The following ABCB1 variants were observed in gnomAD, a reference collection of about 807,000 sequenced individuals.
ABCB1 encodes the protein ATP binding cassette subfamily B member 1, also known as ATP-dependent translocase ABCB1.
In ABCB1, 69 loss-of-function variants were observed where a neutral mutation model predicts 142.0. The observed-to-expected ratio is 0.49, with a 90% CI of 0.40 to 0.59. ABCB1 has a LOEUF of 0.59. Ranked by LOEUF, ABCB1 falls within the 20% of genes least tolerant of loss-of-function variation. The pLI is 0.00. For synonymous variants in ABCB1, 532 were observed against 539.2 expected (o/e 0.99, Z 0.18); for missense variants, 1,326 against 1,554.7 (o/e 0.85, Z 2.47).
Position 87,585,502 on chromosome 7 carries a change from C to T in ABCB1, c.286+10G>A, listed in dbSNP as rs567024914. 2.5e-6 allele frequency: 4 copies of T among 1,613,050 alleles called. No homozygotes were observed. Among genetic ancestry groups the T allele is most frequent in the Admixed American group, 1.7e-5 (1 of 59,954 alleles). ...GTTTCCAATAAAATTGGTACACAAA[C>T]AATACTTACTTCTATTAGTGATGTT... On this transcript the variant is annotated intron_variant, in intron 4 of 27. Transcript: ENST00000622132.
chr7:87,704,600 T>A (rs1829426686), intron 1 of ABCB1, among the ~76,000 whole-genome samples: 1 of 152,210 alleles, frequency 6.6e-6, no homozygotes, highest in African/African-American at 2.4e-5. Flanking sequence ...AGCAATATGT[T>A]ATCTAGCAGA....
intron 23 of ABCB1, among the ~76,000 whole-genome samples, chr7:87,517,521 A>G (rs1815306074): frequency 6.9e-6 from 1 of 143,952 alleles, no homozygotes; most frequent in Non-Finnish European, 1.5e-5. Context: ...GAGATCCACT[A>G]TGCCTAATCC....
At chr7:87,566,733 T>C in intron 6 of ABCB1, 52 bp downstream of exon 6, 1 of 1,557,668 alleles carries the variant, frequency 6.4e-7, no homozygotes. Flanking sequence ...TCTATTTCAT[T>C]TTACTAAGGA....
chr7:87,628,584 CGTGTGTGTGTGTGTGT>C (rs71117546), intron 1 of ABCB1: 91 of 290,720 alleles, frequency 3.1e-4, no homozygotes, highest in Middle Eastern at 1.9e-3. Flanking sequence ...TGCGTGCGTG[CGTGTGTGTGTGTGTGT>C]GTGTGTGTGT....
intron 8 of ABCB1, among the ~76,000 whole-genome samples, chr7:87,554,456 G>T (rs537893521): frequency 6.6e-5 from 10 of 152,134 alleles, no homozygotes; most frequent in Admixed American, 2.6e-4. Context: ...GAGGTTACAT[G>T]TGTGAGAGCA....
At chr7:87,583,661 A>G (rs771446401) in intron 4 of ABCB1, among the ~76,000 whole-genome samples, 2 of 152,206 alleles carry the variant, frequency 1.3e-5, no homozygotes, top group Non-Finnish European at 2.9e-5. Context: ...TAGTCTTCAC[A>G]ACTAGATCAT....
At chr7:87,638,934 C>G (rs1356242473) in intron 1 of ABCB1, among the ~76,000 whole-genome samples, 3 of 151,924 alleles carry the variant, frequency 2.0e-5, no homozygotes, top group African/African-American at 7.2e-5. Context: ...GGGTGGATCA[C>G]GAGGTCAGGA....
chr7:87,522,475 T>C (rs1815559954), intron 21 of ABCB1: 5 of 534,664 alleles, frequency 9.4e-6, no homozygotes, highest in Middle Eastern at 1.1e-3. Context: ...ACAGGGAAGC[T>C]ACAGTTTACA....
In ABCB1 at chr7:87,586,963, T is replaced by C. The variant is rs572641702; in HGVS notation, c.118-1283A>G. Among the ~76,000 whole-genome samples, 10 of 152,336 alleles carry C rather than the reference T, an allele frequency of 6.6e-5. 1 individual carries two copies. In the South Asian group the frequency reaches 2.1e-3, roughly 32 times the overall value. ...CTTTTTCTAGCTCTTAAATGTGTTA[T>C]CAAATGAGCTTAAGTTTGGGTTCAT... is the stretch of plus-strand genomic sequence containing the variant. On this transcript the variant is annotated intron_variant, in intron 3 of 27. Transcript: ENST00000622132.
intron 7 of ABCB1, among the ~76,000 whole-genome samples, chr7:87,562,461 C>A (rs1817599718): frequency 6.6e-6 from 1 of 152,128 alleles, no homozygotes; most frequent in South Asian, 2.1e-4. Context: ...GAGGCTCATA[C>A]AACATGCTTT....
intron 4 of ABCB1, among the ~76,000 whole-genome samples, chr7:87,574,574 T>A (rs1315201629): frequency 6.6e-6 from 1 of 152,206 alleles, no homozygotes; most frequent in Admixed American, 6.5e-5. Flanking sequence ...TGTGTAGCCC[T>A]GGCTGTAAGC....
chr7:87,664,969 A>G (rs1825081153), intron 1 of ABCB1, among the ~76,000 whole-genome samples: 1 of 152,176 alleles, frequency 6.6e-6, no homozygotes. Flanking sequence ...AATAAAGGTC[A>G]TATATAACAA....
At chr7:87,560,368 G>A (rs1273455941) in intron 8 of ABCB1, among the ~76,000 whole-genome samples, 1 of 152,102 alleles carries the variant, frequency 6.6e-6, no homozygotes, top group African/African-American at 2.4e-5. Flanking sequence ...AAACACATAT[G>A]CACAGTTAAA....
At position 87,627,649 on chromosome 7, in the gene ABCB1, C is replaced by G. The variant is rs762256444; in HGVS notation, c.-330-26571G>C. On this transcript the variant is annotated intron_variant, in intron 1 of 28. Coordinates refer to the ABCB1 transcript ENST00000265724. ...AGAAGCTCTAGGAAGGGGGCGCTTC[C>G]GAACACGCGCGTCGAGGAGGGCGTT... 3.3e-5 allele frequency: 5 copies of G among 152,382 alleles called. No individual in the cohort carries two copies. In the South Asian group the frequency reaches 6.2e-4, roughly 19 times the overall value. 9.4% of individuals were successfully genotyped at this position (152,382 alleles called of 1,614,324 possible).
intron 3 of ABCB1, among the ~76,000 whole-genome samples, chr7:87,588,729 G>C (rs147426026): frequency 6.6e-6 from 1 of 152,112 alleles, no homozygotes; most frequent in Non-Finnish European, 1.5e-5. Flanking sequence ...CTGTCTTTAG[G>C]TCTTTGAGGA....
chr7:87,642,680 C>T (rs944855756), intron 1 of ABCB1, among the ~76,000 whole-genome samples: 2 of 151,946 alleles, frequency 1.3e-5, no homozygotes, highest in Non-Finnish European at 2.9e-5. Flanking sequence ...GTGCATGAAG[C>T]TGGAAACCAT....
At chr7:87,629,127 C>A in intron 1 of ABCB1, 1 of 476,574 alleles carries the variant, frequency 2.1e-6, no homozygotes, top group East Asian at 3.5e-5. Context: ...TGGACACCGT[C>A]GCAGCCCTGG....
Position 87,531,499 on chromosome 7 carries a change from T to G in ABCB1, c.2482-2A>C. On this transcript the variant is annotated splice_acceptor_variant, in intron 20 of 27. Transcript: ENST00000622132. LOFTEE classifies it high-confidence loss of function. ...TACAGCAAGCCTGGAACCTATAGCC[T>G]GCAAAACAAAACAAATTAGAGAAAT... is the stretch of plus-strand genomic sequence containing the variant. 6.2e-7 allele frequency: 1 copy of G among 1,612,444 alleles called. No homozygotes were observed. Among genetic ancestry groups the G allele is most frequent in the Non-Finnish European group, 8.5e-7 (1 of 1,179,392 alleles).
chr7:87,504,354 C>T lies in ABCB1; in HGVS notation c.3732G>A (p.Val1244=). 1 of 1,614,076 alleles carries T rather than the reference C, an allele frequency of 6.2e-7. No homozygotes were observed. The highest frequency in any genetic ancestry group is 8.5e-7 in the Non-Finnish European group (1 of 1,179,996). Residue 1244 remains valine (V), a synonymous_variant, in exon 28 of 28, where the codon GTG becomes GTA. Coordinates refer to ENST00000622132, the MANE Select transcript of ABCB1 (RefSeq NM_001348946.2). ...LSTIQNADLI[V]VFQNGRVKEH... Reference sequence around the variant, plus strand: ...CCTTGACTCTGCCATTCTGAAACACCACTATTAAGTCTGCATTCTGGATGG... The same window carrying T: ...CCTTGACTCTGCCATTCTGAAACACTACTATTAAGTCTGCATTCTGGATGG...
Sources: gnomAD v4.1 joint callset for allele counts (sites outside exome capture counted in the v4.1 genomes callset) on GRCh38, gnomAD v4.1.1 for gene constraint, MANE v1.5 for transcripts, NCBI Gene and HGNC (gene_info 2026-07-23, HGNC 2026-07-21) for gene names.